Variants in ABCB9 observed in about 807,000 individuals in gnomAD.
The protein encoded by ABCB9 is ATP binding cassette subfamily B member 9, also known as ABC-type oligopeptide transporter ABCB9.
ABCB9 carries 36 observed loss-of-function variants against 62.0 expected under a neutral mutation model. That is an observed-to-expected ratio of 0.58 (90% CI 0.45 to 0.77). ABCB9 has a LOEUF of 0.77. ABCB9 is among the 30% of genes least tolerant of loss of function. The probability of loss-of-function intolerance (pLI) is 0.00; values close to 1 mark genes in which losing one functional copy is unlikely to be tolerated. For missense variants in ABCB9, 943 were observed against 1,054.7 expected (o/e 0.89, Z 1.47); for synonymous variants, 435 against 461.4 (o/e 0.94, Z 0.73).
rs148695801 is a variant in ABCB9 at position 122,964,627 on chromosome 12, G to A, written c.-88+1660C>T. Among the ~76,000 whole-genome samples, 246 of 152,374 alleles carry A rather than the reference G, an allele frequency of 1.6e-3. No homozygotes were observed. Among genetic ancestry groups the A allele is most frequent in the African/African-American group, 5.7e-3 (237 of 41,596 alleles). On this transcript the variant is annotated intron_variant, in intron 1 of 11. Transcript: ENST00000280560. This position sits in a 1 kb window ranked among gnomAD's most constrained non-coding sequence, Gnocchi z 4.7. ...CGTGACCACCAGCCAAGGCTGCTTA[G>A]AGGCCTGTCACCGCTCTCCAACTGC...
chr12:122,963,416 T>C (rs1272475154), intron 1 of ABCB9, among the ~76,000 whole-genome samples: 1 of 152,150 alleles, frequency 6.6e-6, no homozygotes, highest in East Asian at 1.9e-4. Context: ...CCAGCTGACA[T>C]TGGCTCCAGG....
At chr12:122,948,951 G>GGT in intron 4 of ABCB9, 122 bp from the exon 5 acceptor site, 1 of 557,726 alleles carries the variant, frequency 1.8e-6, no homozygotes, top group Non-Finnish European at 2.9e-6. Context: ...TGTGGGCGGG[G>GGT]TTGGGGGGTG....
chr12:122,953,434 C>T (rs1238590022), intron 2 of ABCB9, among the ~76,000 whole-genome samples: 1 of 152,138 alleles, frequency 6.6e-6, no homozygotes, highest in Admixed American at 6.6e-5. Flanking sequence ...GTCGCCCAGG[C>T]TGGAGTGTAT....
rs2035740347 is a variant in ABCB9, at chr12:122,941,064, A to T, written c.1381-69T>A. 4 of 1,471,978 alleles carry T rather than the reference A, an allele frequency of 2.7e-6. No homozygotes were observed. In the South Asian group the frequency reaches 5.4e-5, roughly 20 times the overall value. The allele number at this position is 1,471,978 out of a possible 1,614,324, so 91.2% of individuals were successfully genotyped here. A position where few individuals can be genotyped will look rare whatever the true frequency, so the allele number is the denominator to read the frequency against. Reference sequence around the variant, plus strand: ...TCCTGGGACCCACCCCTGCTACTAGAGAGGAGGCAGGTATAGGGAAAGCAA... The same window carrying T: ...TCCTGGGACCCACCCCTGCTACTAGTGAGGAGGCAGGTATAGGGAAAGCAA... On this transcript the variant is annotated intron_variant, in intron 7 of 11. Transcript: ENST00000280560.
chr12:122,952,293 A>G (rs1186334682), intron 2 of ABCB9: 4 of 152,272 alleles, frequency 2.6e-5, no homozygotes, highest in African/African-American at 9.6e-5. Flanking sequence ...TAGTGGCATC[A>G]CCAGGCCAGG....
intron 6 of ABCB9, among the ~76,000 whole-genome samples, chr12:122,945,192 TACTTTTGG>T (rs1364789402): frequency 1.3e-5 from 2 of 152,178 alleles, no homozygotes; most frequent in Non-Finnish European, 2.9e-5. Context: ...CCTTGGCTGA[TACTTTTGG>T]GAGGTGGCAG....
At chr12:122,958,380 G>A (rs974666896) in intron 2 of ABCB9, among the ~76,000 whole-genome samples, 1 of 152,196 alleles carries the variant, frequency 6.6e-6, no homozygotes, top group African/African-American at 2.4e-5. Flanking sequence ...GTGGGTGAGA[G>A]GTGGGGGAGT....
At position 122,950,538 on chromosome 12, in the gene ABCB9, C is replaced by A. The variant is rs2036306632; in HGVS notation, c.629G>T (p.Gly210Val). 1.2e-6 allele frequency: 2 copies of A among 1,612,822 alleles called. No homozygotes were observed. Among genetic ancestry groups the A allele is most frequent in the South Asian group, 2.2e-5 (2 of 91,054 alleles). ...LGETFLPYYT[G>V]RAIDGIVIQK... ...GATGACGATGCCATCAATGGCGCGG[C>A]CCGTGTAGTAGGGCAGGAAGGTCTC... The change falls in exon 3 of 12, where the codon GGC becomes GTC. Residue 210 changes from glycine to valine, a missense_variant. Coordinates refer to ENST00000280560, the MANE Select transcript of ABCB9 (RefSeq NM_019625.4).
chr12:122,948,948 G>T, intron 4 of ABCB9, 119 bp from the exon 5 acceptor site: 1 of 752,952 alleles, frequency 1.3e-6, no homozygotes, highest in Non-Finnish European at 2.0e-6. Flanking sequence ...ACCTGTGGGC[G>T]GGGTTGGGGG....
At chr12:122,974,913 G>T (rs552548155) in exon 1 of ABCB9, 4 of 209,328 alleles carry the variant, frequency 1.9e-5, no homozygotes, top group African/African-American at 9.1e-5. Flanking sequence ...GCAGACGGCG[G>T]GGGGTGGGTC....
chr12:122,923,158 A>G (rs916344696), intron 11 of ABCB9, among the ~76,000 whole-genome samples: 3 of 152,140 alleles, frequency 2.0e-5, no homozygotes, highest in Non-Finnish European at 4.4e-5. Flanking sequence ...GCTGGAGTGC[A>G]GTGGCGCCAT....
Position 122,964,713 on chromosome 12 carries a change from T to G in ABCB9, c.-88+1574A>C, listed in dbSNP as rs555605595. On this transcript the variant is annotated intron_variant, in intron 1 of 11. Transcript: ENST00000280560. The surrounding 1 kb of genome is among the most constrained non-coding windows in gnomAD (Gnocchi z 4.7). ...AGCTGGAGGGCAAATTGTGAGCACA[T>G]GGGTGACCTGCTTGGCCTGAGGGAC... 1.7e-3 allele frequency among the ~76,000 whole-genome samples: 256 copies of G among 152,314 alleles called. No individual in the cohort carries two copies. Among genetic ancestry groups the G allele is most frequent in the African/African-American group, 6.0e-3 (248 of 41,570 alleles).
In ABCB9 at chr12:122,940,032, C is replaced by T; in HGVS notation, c.1743+79G>A. The T allele has an allele frequency of 6.6e-7, 1 of 1,512,826 alleles. No individual in the cohort carries two copies. The highest frequency in any genetic ancestry group is 8.9e-7 in the Non-Finnish European group (1 of 1,119,984). The allele number at this position is 1,512,826 out of a possible 1,614,324, so 93.7% of individuals were successfully genotyped here. ...GTCCATTTATCTCTAGTGCCCTCTT[C>T]CGCACCTGTTACAGCTCACAAGAAA... On this transcript the variant is annotated intron_variant, in intron 9 of 11. Transcript: ENST00000280560. This position sits in a 1 kb window ranked among gnomAD's most constrained non-coding sequence, Gnocchi z 4.8.
At chr12:122,923,458 T>C (rs1023457657) in intron 11 of ABCB9, among the ~76,000 whole-genome samples, 6 of 152,030 alleles carry the variant, frequency 3.9e-5, no homozygotes, top group African/African-American at 1.4e-4. Context: ...GGCTAATTTT[T>C]TTTTGTATTT....
upstream of ABCB9, among the ~76,000 whole-genome samples, chr12:122,970,092 A>T (rs1401234496): frequency 6.6e-6 from 1 of 152,172 alleles, no homozygotes; most frequent in Admixed American, 6.5e-5. Flanking sequence ...TATCATTATT[A>T]CTTTCGAGAT....
In ABCB9 at chr12:122,959,671, C is replaced by T. The variant is rs766437919; in HGVS notation, c.565G>A (p.Val189Met). The T allele has an allele frequency of 3.3e-5, 52 of 1,580,880 alleles. No individual in the cohort carries two copies. Among genetic ancestry groups the T allele is most frequent in the South Asian group, 7.9e-5 (7 of 88,642 alleles). ...SYTKPDVAFL[V>M]AASFFLIVAA... ...ACGATGAGGAAGAAGGAGGCGGCCACGAGGAAGGCCACGTCGGGCTTGGTG... is the reference window on the plus strand; with the variant it reads ...ACGATGAGGAAGAAGGAGGCGGCCATGAGGAAGGCCACGTCGGGCTTGGTG... Residue 189 changes from valine (V) to methionine (M), a missense_variant, in exon 2 of 12, where the codon GTG becomes ATG. Transcript: ENST00000280560. This position sits in a 1 kb window ranked among gnomAD's most constrained non-coding sequence, Gnocchi z 5.4.
intron 2 of ABCB9, chr12:122,951,847 C>T (rs2036384448): frequency 6.6e-6 from 1 of 152,204 alleles, no homozygotes; most frequent in East Asian, 1.9e-4. Flanking sequence ...GGGACTCAAA[C>T]CTAAACTGGC....
intron 10 of ABCB9, among the ~76,000 whole-genome samples, chr12:122,933,635 A>T (rs2035308708): frequency 6.6e-6 from 1 of 152,132 alleles, no homozygotes; most frequent in Non-Finnish European, 1.5e-5. Context: ...ACTGAATTTC[A>T]AAACACTATT....
intron 10 of ABCB9, among the ~76,000 whole-genome samples, chr12:122,933,054 C>T (rs149012543): frequency 1.3e-5 from 2 of 152,248 alleles, no homozygotes; most frequent in Non-Finnish European, 2.9e-5. Context: ...CCACACCTGG[C>T]TAACTTAAAA....
Sources: allele counts gnomAD v4.1 joint callset (sites outside exome capture counted in the v4.1 genomes callset), GRCh38; gene constraint gnomAD v4.1.1; non-coding constraint Gnocchi (gnomAD v3.1); transcripts MANE v1.5; gene names NCBI Gene and HGNC (gene_info 2026-07-23, HGNC 2026-07-21).